Variants in RBFOX1 observed in about 807,000 individuals in gnomAD.
RBFOX1 encodes RNA binding protein fox-1 homolog 1.
RBFOX1 carries 8 observed loss-of-function variants against 57.7 expected under a neutral mutation model. The ratio of observed to expected loss-of-function variants is 0.14; its 90% confidence interval spans 0.08 to 0.25. RBFOX1 has a LOEUF of 0.25. RBFOX1 is among the 10% of genes least tolerant of loss of function. The pLI is 1.00. For missense variants in RBFOX1, 611 were observed against 548.5 expected, an observed-to-expected ratio of 1.11 and a Z score of -1.14; for synonymous variants, 326 against 222.4, an observed-to-expected ratio of 1.47 and a Z score of -4.15.
At chr16:6,356,166 G>T (rs1273708981) in intron 2 of RBFOX1, among the ~76,000 whole-genome samples, 1 of 152,222 alleles carries the variant, frequency 6.6e-6, no homozygotes, top group African/African-American at 2.4e-5. Context: ...CCTTGAAGAG[G>T]TAGAGCATGA....
intron 2 of RBFOX1, among the ~76,000 whole-genome samples, chr16:5,522,867 G>T (rs1365233484): frequency 6.6e-6 from 1 of 152,166 alleles, no homozygotes; most frequent in Admixed American, 6.5e-5. Flanking sequence ...AAAATGACAG[G>T]ATTCCATTCT....
chr16:5,554,665 A>G (rs1488160223), intron 2 of RBFOX1, among the ~76,000 whole-genome samples: 3 of 152,168 alleles, frequency 2.0e-5, no homozygotes, highest in Non-Finnish European at 2.9e-5. Flanking sequence ...ATTTAAGACA[A>G]ATGAATTGGT....
chr16:7,154,911 A>T (rs760461036), intron 4 of RBFOX1, among the ~76,000 whole-genome samples: 27 of 152,186 alleles, frequency 1.8e-4, no homozygotes, highest in Non-Finnish European at 3.5e-4. Context: ...GAGTTTTATA[A>T]CTTTGCATAA....
At chr16:5,605,562 G>C (rs949906400) in intron 3 of RBFOX1, among the ~76,000 whole-genome samples, 1 of 151,888 alleles carries the variant, frequency 6.6e-6, no homozygotes, top group African/African-American at 2.4e-5. Flanking sequence ...AGTAATGTCT[G>C]CCATGGGTCT....
chr16:6,666,330 T>C (rs1167928256), intron 3 of RBFOX1, among the ~76,000 whole-genome samples: 1 of 152,070 alleles, frequency 6.6e-6, no homozygotes, highest in Non-Finnish European at 1.5e-5. Flanking sequence ...GGTCAGGAGT[T>C]TGAAACCAGC....
chr16:7,045,677 C>T (rs930715601), intron 3 of RBFOX1, among the ~76,000 whole-genome samples: 2 of 151,708 alleles, frequency 1.3e-5, no homozygotes, highest in East Asian at 3.9e-4. Context: ...TAGAGCGAGA[C>T]ATTGTCTCGC....
At chr16:5,676,376 C>CAT (rs758327067) in intron 3 of RBFOX1, among the ~76,000 whole-genome samples, 9 of 152,006 alleles carry the variant, frequency 5.9e-5, no homozygotes, top group Admixed American at 4.6e-4. Context: ...TGTAGCTGCC[C>CAT]ATATATGTGT....
intron 1 of RBFOX1, among the ~76,000 whole-genome samples, chr16:6,235,197 G>A (rs2097496129): frequency 6.6e-6 from 1 of 152,094 alleles, no homozygotes; most frequent in South Asian, 2.1e-4. Context: ...GGGCTCTGCT[G>A]ACCTGTCCAC....
At chr16:7,491,822 T>A (rs4787035) in intron 4 of RBFOX1, among the ~76,000 whole-genome samples, 36,926 of 151,946 alleles carry the variant, frequency 0.24, 5,098 homozygotes, top group East Asian at 0.39. Context: ...TTTAAAAACA[T>A]GTCCTTGTAT....
chr16:6,483,974 G>T lies in RBFOX1; in HGVS notation c.-64+166917G>T, dbSNP rs139613812. 7.7e-3 allele frequency: 7,804 copies of T among 1,019,766 alleles called. 41 individuals are homozygous for T. The highest frequency in any genetic ancestry group is 0.032 in the Middle Eastern group (66 of 2,060). 63.2% of individuals were successfully genotyped at this position (1,019,766 alleles called of 1,614,324 possible). A position where few individuals can be genotyped will look rare whatever the true frequency, so the allele number is the denominator to read the frequency against. On this transcript the variant is annotated intron_variant, in intron 2 of 15. Transcript: ENST00000550418. The stretch of plus-strand genomic sequence containing the variant: ...GAGACTGTGCTCAGGGCTCGCCCTG[G>T]GTGCCCCGTGGTGGGGGTGGTCTGG...
At chr16:5,642,387 C>T (rs1435194468) in intron 3 of RBFOX1, among the ~76,000 whole-genome samples, 4 of 152,114 alleles carry the variant, frequency 2.6e-5, no homozygotes, top group Non-Finnish European at 4.4e-5. Context: ...CAGGTTGATA[C>T]GTCTTAAAAG....
At chr16:6,755,952 C>G (rs1337483943) in intron 3 of RBFOX1, among the ~76,000 whole-genome samples, 1 of 152,090 alleles carries the variant, frequency 6.6e-6, no homozygotes, top group Non-Finnish European at 1.5e-5. Context: ...CGAAAGGGAC[C>G]ATTTACAGCC....
intron 4 of RBFOX1, among the ~76,000 whole-genome samples, chr16:7,436,836 C>T (rs905775331): frequency 4.6e-5 from 7 of 152,114 alleles, no homozygotes; most frequent in Admixed American, 6.5e-5. Context: ...CCAAGGCAGG[C>T]GGATCATCCT....
In RBFOX1 at chr16:5,488,590, ATGATG is replaced by A. The variant is rs2042723315; in HGVS notation, c.258+21337_258+21341del. On this transcript the variant is annotated intron_variant, in intron 2 of 2. Coordinates refer to the RBFOX1 transcript ENST00000585867. ...ATGGTGATGATGGTGATGATTGAAG[ATGATG>A]GTGTGGTGGGGCGTGATGGTGATGA... 8.4e-5 allele frequency among the ~76,000 whole-genome samples: 2 copies of A among 23,924 alleles called. 1 individual carries two copies. The highest frequency in any genetic ancestry group is 5.5e-3 in the South Asian group (2 of 366). The allele number at this position is 23,924 out of a possible 152,430, so 15.7% of individuals were successfully genotyped here.
chr16:7,633,727 G>T (rs1275837914), intron 11 of RBFOX1, among the ~76,000 whole-genome samples: 1 of 152,122 alleles, frequency 6.6e-6, no homozygotes. Flanking sequence ...TCTCCAATTG[G>T]GTAGGCAGAG....
At position 6,142,836 on chromosome 16, in the gene RBFOX1, G is replaced by A. The variant is rs1437405099; in HGVS notation, c.-127+122844G>A. On this transcript the variant is annotated intron_variant, in intron 1 of 15. Coordinates refer to ENST00000550418, the MANE Select transcript of RBFOX1 (RefSeq NM_018723.4). ...TCCATCTCCTTTTTGTTTGTAGATC[G>A]TCTCTGTCATTCAAGACTCAACTCA... Among the ~76,000 whole-genome samples the A allele has an allele frequency of 8.5e-5, 13 of 152,124 alleles. No homozygotes were observed. In the South Asian group the frequency reaches 1.0e-3, roughly 12 times the overall value.
chr16:6,515,912 C>G (rs2096368042), intron 2 of RBFOX1, among the ~76,000 whole-genome samples: 1 of 152,162 alleles, frequency 6.6e-6, no homozygotes, highest in Non-Finnish European at 1.5e-5. Flanking sequence ...CTTGACTCTC[C>G]TAGATGGAAT....
In RBFOX1 at chr16:6,711,379, T is replaced by C. The variant is rs566866432; in HGVS notation, c.-16+56729T>C. On this transcript the variant is annotated intron_variant, in intron 3 of 15. Transcript: ENST00000550418. ...TCCCTACCAACTTTGTCATCTGGTA[T>C]CTTGTCCTATCTCTCCTGATATGGT... 5.0e-4 allele frequency among the ~76,000 whole-genome samples: 76 copies of C among 152,288 alleles called. 1 individual carries two copies. The South Asian group carries it at 0.014, about 28-fold the overall frequency.
rs912557864 is a variant in RBFOX1 at position 7,103,621 on chromosome 16, A to C, written c.27+51523A>C. On this transcript the variant is annotated intron_variant, in intron 4 of 15. Transcript: ENST00000550418. Reference sequence around the variant, plus strand: ...TTAGTTTGAATGATTTCTCTTCTTCACCTCTCTGCAGTTTATAGTTTTTTG... The same window carrying C: ...TTAGTTTGAATGATTTCTCTTCTTCCCCTCTCTGCAGTTTATAGTTTTTTG... Among the ~76,000 whole-genome samples the C allele has an allele frequency of 3.3e-5, 5 of 152,276 alleles. No individual in the cohort carries two copies. The South Asian group carries it at 1.0e-3, about 32-fold the overall frequency.
Sources: allele counts gnomAD v4.1 joint callset (sites outside exome capture counted in the v4.1 genomes callset), GRCh38; gene constraint gnomAD v4.1.1; transcripts MANE v1.5; gene names NCBI Gene and HGNC (gene_info 2026-07-23, HGNC 2026-07-21).